TNKS: variants seen among roughly 807,000 people sequenced by gnomAD.
The protein encoded by TNKS is poly [ADP-ribose] polymerase tankyrase-1.
A neutral mutation model predicts 135.8 loss-of-function variants in TNKS; 72 were observed. That is an observed-to-expected ratio of 0.53 (90% CI 0.44 to 0.64). The LOEUF is 0.64. Among genes scored for constraint, TNKS ranks in the 30% least tolerant of loss-of-function variants. The pLI is 0.00. For synonymous variants in TNKS, 849 were observed against 649.3 expected (o/e 1.31, Z -4.68); for missense variants, 1,769 against 1,674.0 (o/e 1.06, Z -0.99).
At chr8:9,604,186 T>C (rs1325508276) in intron 2 of TNKS, among the ~76,000 whole-genome samples, 3 of 152,138 alleles carry the variant, frequency 2.0e-5, no homozygotes, top group Non-Finnish European at 2.9e-5. Context: ...AGTGTAGATA[T>C]ATTATGTTCA....
chr8:9,754,793 C>G (rs1294123125), intron 20 of TNKS, among the ~76,000 whole-genome samples: 2 of 152,128 alleles, frequency 1.3e-5, no homozygotes, highest in Non-Finnish European at 2.9e-5. Context: ...GCCTTTGCGT[C>G]TAATGGTTAG....
chr8:9,768,592 C>T (rs572951376), intron 25 of TNKS, among the ~76,000 whole-genome samples: 78 of 152,328 alleles, frequency 5.1e-4, no homozygotes, highest in Admixed American at 1.8e-3. Flanking sequence ...TGCAGCTCAC[C>T]GCTGGCTGAG....
chr8:9,560,493 C>CTCTTTTT (rs1797281030), intron 1 of TNKS, among the ~76,000 whole-genome samples: 11 of 42,286 alleles, frequency 2.6e-4, no homozygotes, highest in African/African-American at 1.1e-3. Flanking sequence ...CCATACTTGT[C>CTCTTTTT]TTTTTTTTTT....
chr8:9,647,333 C>A (rs563280671), intron 3 of TNKS, among the ~76,000 whole-genome samples: 17 of 152,000 alleles, frequency 1.1e-4, no homozygotes, highest in African/African-American at 4.1e-4. Flanking sequence ...GGATTTTGCC[C>A]CTTTTTGTTT....
chr8:9,758,077 C>G (rs1806938604), intron 20 of TNKS, among the ~76,000 whole-genome samples: 1 of 152,168 alleles, frequency 6.6e-6, no homozygotes, highest in Non-Finnish European at 1.5e-5. Context: ...CTTCTGTGTA[C>G]TATTTTTATG....
intron 2 of TNKS, among the ~76,000 whole-genome samples, chr8:9,597,660 T>A (rs117428847): frequency 8.5e-5 from 13 of 152,298 alleles, no homozygotes; most frequent in African/African-American, 3.1e-4. Context: ...TAACCAAATA[T>A]TAAGTGTATG....
At chr8:9,726,797 A>T in intron 13 of TNKS, 77 bp downstream of exon 13, 1 of 1,126,942 alleles carries the variant, frequency 8.9e-7, no homozygotes, top group South Asian at 1.4e-5. Flanking sequence ...TTCTAAGTAT[A>T]TCTACTCAAA....
intron 11 of TNKS, among the ~76,000 whole-genome samples, chr8:9,710,701 C>G (rs548022384): frequency 4.6e-5 from 7 of 152,132 alleles, no homozygotes; most frequent in Non-Finnish European, 8.8e-5. Flanking sequence ...TGGAGACCAT[C>G]CTGGCTAAGA....
chr8:9,691,696 A>G (rs1803279749), intron 5 of TNKS, among the ~76,000 whole-genome samples: 1 of 152,248 alleles, frequency 6.6e-6, no homozygotes, highest in African/African-American at 2.4e-5. Context: ...GTTAATACAT[A>G]TAATGCACTT....
chr8:9,669,281 G>A (rs945641799), intron 3 of TNKS, among the ~76,000 whole-genome samples: 5 of 151,714 alleles, frequency 3.3e-5, no homozygotes, highest in South Asian at 4.2e-4. Context: ...AGCCGGGCGC[G>A]GTGGCGGGCG....
rs181891731 is a variant in TNKS at position 9,767,560 on chromosome 8, C to G, written c.3740+1135C>G. ...TGATTATTGACCTTAAAACTTATCT[C>G]TCAGTTGTGTTTTGAACAAAATTAT... On this transcript the variant is annotated intron_variant, in intron 25 of 26. Coordinates refer to ENST00000310430, the MANE Select transcript of TNKS (RefSeq NM_003747.3). 4.5e-4 allele frequency among the ~76,000 whole-genome samples: 68 copies of G among 152,276 alleles called. 2 individuals carry two copies. Among genetic ancestry groups the G allele is most frequent in the East Asian group, 2.7e-3 (14 of 5,182 alleles).
chr8:9,661,817 A>AT (rs1303915162), intron 3 of TNKS, among the ~76,000 whole-genome samples: 1 of 152,112 alleles, frequency 6.6e-6, no homozygotes, highest in African/African-American at 2.4e-5. Context: ...ATGGGAGAAA[A>AT]TTTTTTGCAA....
chr8:9,766,947 G>C (rs1807485384), intron 25 of TNKS, among the ~76,000 whole-genome samples: 1 of 152,236 alleles, frequency 6.6e-6, no homozygotes, highest in South Asian at 2.1e-4. Context: ...CAGGTACATG[G>C]CCTCCAGTCA....
chr8:9,735,204 G>T, intron 16 of TNKS, 120 bp downstream of exon 16: 1 of 1,160,146 alleles, frequency 8.6e-7, no homozygotes, highest in Non-Finnish European at 1.2e-6. Flanking sequence ...GCTCTTGATT[G>T]ACATAGTTTT....
Position 9,556,279 on chromosome 8 carries a change from G to T in TNKS, c.340G>T (p.Ala114Ser), listed in dbSNP as rs762952243. 5 of 1,614,246 alleles carry T rather than the reference G, an allele frequency of 3.1e-6. No homozygotes were observed. In the East Asian group the frequency reaches 8.9e-5, roughly 29 times the overall value. ...VVPAVSTSSA[A>S]GVAPNPAGSG... ...CCCAGCGGTTTCTACTTCATCTGCC[G>T]CTGGGGTCGCTCCCAACCCAGCCGG... Residue 114 changes from alanine to serine, a missense_variant, in exon 1 of 27, where the codon GCT becomes TCT. Ala to Ser is a moderately conservative substitution (Grantham distance 99, BLOSUM62 1). Transcript: ENST00000310430.
At chr8:9,728,872 C>A (rs1404641350) in intron 13 of TNKS, among the ~76,000 whole-genome samples, 1 of 152,124 alleles carries the variant, frequency 6.6e-6, no homozygotes, top group Non-Finnish European at 1.5e-5. Context: ...AATTACACCA[C>A]TTAAAAAGCG....
chr8:9,669,889 A>G (rs548483930), intron 3 of TNKS, among the ~76,000 whole-genome samples: 3 of 152,352 alleles, frequency 2.0e-5, no homozygotes, highest in South Asian at 4.1e-4. Context: ...ATTTTGCTAA[A>G]TATTATATCT....
At chr8:9,594,848 A>G (rs1208482381) in intron 2 of TNKS, among the ~76,000 whole-genome samples, 2 of 152,188 alleles carry the variant, frequency 1.3e-5, no homozygotes, top group African/African-American at 4.8e-5. Flanking sequence ...CAGCTTCTTA[A>G]TAAGGACCAA....
At chr8:9,674,621 T>C (rs1232959532) in intron 3 of TNKS, among the ~76,000 whole-genome samples, 1 of 152,176 alleles carries the variant, frequency 6.6e-6, no homozygotes, top group Admixed American at 6.5e-5. Context: ...ACCTGAAATA[T>C]GGCTGGTGTG....
Sources: gnomAD v4.1 joint callset for allele counts (sites outside exome capture counted in the v4.1 genomes callset) on GRCh38, gnomAD v4.1.1 for gene constraint, MANE v1.5 for transcripts, NCBI Gene and HGNC (gene_info 2026-07-23, HGNC 2026-07-21) for gene names.